The following PRLR variants were observed in gnomAD, a reference collection of about 807,000 sequenced individuals.
PRLR encodes the protein hPRL receptor.
Under a neutral mutation model 40.2 loss-of-function variants are expected in PRLR, and 13 were observed. That is an observed-to-expected ratio of 0.32 (90% CI 0.21 to 0.51). The LOEUF (loss-of-function observed/expected upper bound fraction) is 0.51. Among genes scored for constraint, PRLR ranks in the 20% least tolerant of loss-of-function variants. The probability of loss-of-function intolerance (pLI) is 0.97; values close to 1 mark genes in which losing one functional copy is unlikely to be tolerated. For missense variants in PRLR, 656 were observed against 747.3 expected (o/e 0.88, Z 1.42); for synonymous variants, 269 against 278.7 (o/e 0.97, Z 0.35).
rs869174221 is a variant in PRLR at position 35,191,048 on chromosome 5, C to CTTTTTTTTT, written c.-106+39211_-106+39219dup. On this transcript the variant is annotated intron_variant, in intron 1 of 9. Transcript: ENST00000618457. ...ATCCAATTAACAGATGTGTTATTTT[C>CTTTTTTTTT]TTTTTTTTTTTTTTTTTTTTTTTTT... Among the ~76,000 whole-genome samples the CTTTTTTTTT allele has an allele frequency of 1.8e-4, 12 of 68,162 alleles. 2 individuals carry two copies. Among genetic ancestry groups the CTTTTTTTTT allele is most frequent in the Non-Finnish European group, 2.2e-4 (8 of 36,052 alleles). The allele number at this position is 68,162 out of a possible 152,430, so 44.7% of individuals were successfully genotyped here. A position where few individuals can be genotyped will look rare whatever the true frequency, so the allele number is the denominator to read the frequency against.
chr5:35,118,398 A>G (rs1225889160), intron 1 of PRLR, among the ~76,000 whole-genome samples: 1 of 152,020 alleles, frequency 6.6e-6, no homozygotes, highest in Non-Finnish European at 1.5e-5. Flanking sequence ...CTGATTTATA[A>G]TCTTTCTTCT....
chr5:35,086,344 GA>G lies in PRLR; in HGVS notation c.71-5del. Reference sequence around the variant, plus strand: ...GGTTTTCCAGGAGGTAACTGTCCTAGAAAAAGCCAGAAGCCACTGCATCAAT... The same window carrying G: ...GGTTTTCCAGGAGGTAACTGTCCTAGAAAAGCCAGAAGCCACTGCATCAAT... On this transcript the variant is annotated splice_region_variant and splice_polypyrimidine_tract_variant and intron_variant, in intron 3 of 9. Transcript: ENST00000618457. The G allele has an allele frequency of 6.2e-7, 1 of 1,612,840 alleles. No homozygotes were observed.
intron 2 of PRLR, among the ~76,000 whole-genome samples, chr5:35,115,465 T>A (rs189200492): frequency 9.5e-4 from 145 of 151,950 alleles, no homozygotes; most frequent in Non-Finnish European, 1.3e-3. Flanking sequence ...AGGTAAGTGG[T>A]GGGGAAAAAT....
chr5:35,211,371 A>AGGACTCAC (rs1412278330), intron 1 of PRLR, among the ~76,000 whole-genome samples: 1 of 152,216 alleles, frequency 6.6e-6, no homozygotes, highest in African/African-American at 2.4e-5. Flanking sequence ...CTGCACTTCA[A>AGGACTCAC]GGACTCACAA....
chr5:35,178,112 C>A (rs965780360), intron 1 of PRLR, among the ~76,000 whole-genome samples: 32 of 152,074 alleles, frequency 2.1e-4, no homozygotes, highest in African/African-American at 7.2e-4. Context: ...ATTTCTATAT[C>A]ATTTTTTGAG....
rs754598108 is a variant in PRLR at position 35,062,820 on chromosome 5, T to C, written c.*2269A>G. The C allele has an allele frequency of 6.6e-6, 1 of 152,246 alleles. No homozygotes were observed. Among genetic ancestry groups the C allele is most frequent in the African/African-American group, 2.4e-5 (1 of 41,464 alleles). 9.4% of individuals were successfully genotyped at this position (152,246 alleles called of 1,614,324 possible). A position where few individuals can be genotyped will look rare whatever the true frequency, so the allele number is the denominator to read the frequency against. ...CAGGTCATTCTTTTATGTGAATTCA[T>C]ATAAGATTCAGCATAATGTGAATCT... On this transcript the variant is annotated 3_prime_UTR_variant, in exon 10 of 10. Transcript: ENST00000618457.
intron 2 of PRLR, among the ~76,000 whole-genome samples, chr5:35,114,059 T>C (rs1486632590): frequency 1.3e-5 from 2 of 152,168 alleles, no homozygotes; most frequent in Admixed American, 6.5e-5. Context: ...TTCTTGACAT[T>C]GAGGCCTAGC....
At position 35,065,494 on chromosome 5, in the gene PRLR, C is replaced by T. The variant is rs1769303912; in HGVS notation, c.1464G>A (p.Gln488=). The change falls in exon 10 of 10, where the codon CAG becomes CAA. Residue 488 remains glutamine, a synonymous_variant. Coordinates refer to ENST00000618457, the MANE Select transcript of PRLR (RefSeq NM_000949.7). ...EVESFHSETD[Q]DTPWLLPQEK... is the part of the protein sequence containing the mutation. Reference sequence around the variant, plus strand: ...CCTGGGGCAGCAGCCAGGGCGTATCCTGGTCAGTCTCAGAATGGAAGCTTT... The same window carrying T: ...CCTGGGGCAGCAGCCAGGGCGTATCTTGGTCAGTCTCAGAATGGAAGCTTT... 1 of 1,614,026 alleles carries T rather than the reference C, an allele frequency of 6.2e-7. No individual in the cohort carries two copies. Among genetic ancestry groups the T allele is most frequent in the South Asian group, 1.1e-5 (1 of 91,088 alleles).
At chr5:35,220,562 G>A (rs1411302362) in intron 1 of PRLR, among the ~76,000 whole-genome samples, 1 of 152,036 alleles carries the variant, frequency 6.6e-6, no homozygotes, top group African/African-American at 2.4e-5. Context: ...TTTATTGTTT[G>A]TTTTTAGTGT....
In PRLR at chr5:35,157,587, C is replaced by T. The variant is rs551097753; in HGVS notation, c.-105-39465G>A. 5.9e-5 allele frequency among the ~76,000 whole-genome samples: 9 copies of T among 152,230 alleles called. No homozygotes were observed. In the East Asian group the frequency reaches 1.4e-3, roughly 23 times the overall value. On this transcript the variant is annotated intron_variant, in intron 1 of 9. Transcript: ENST00000618457. ...ATGGCATGTCCACACTGGACAGGGC[C>T]GTGGGTCCTCATTCATTCAACACTT...
intron 1 of PRLR, among the ~76,000 whole-genome samples, chr5:35,207,288 A>G (rs919482788): frequency 1.3e-5 from 2 of 152,088 alleles, no homozygotes; most frequent in African/African-American, 4.8e-5. Flanking sequence ...ATGAACACTT[A>G]TAATTAATTA....
At position 35,086,643 on chromosome 5, in the gene PRLR, A is replaced by G. The variant is rs180905765; in HGVS notation, c.71-303T>C. ...GCCTAGTGACCAACTGCAAAATTTCAACAAAGAATGAGCCTTGAATGCAAG... is the reference window on the plus strand; with the variant it reads ...GCCTAGTGACCAACTGCAAAATTTCGACAAAGAATGAGCCTTGAATGCAAG... On this transcript the variant is annotated intron_variant, in intron 3 of 9. Coordinates refer to ENST00000618457, the MANE Select transcript of PRLR (RefSeq NM_000949.7). Among the ~76,000 whole-genome samples the G allele has an allele frequency of 1.6e-3, 236 of 152,142 alleles. 2 individuals are homozygous for G. The highest frequency in any genetic ancestry group is 5.2e-3 in the African/African-American group (216 of 41,494).
At chr5:35,205,746 A>T (rs1776000167) in intron 1 of PRLR, among the ~76,000 whole-genome samples, 2 of 152,200 alleles carry the variant, frequency 1.3e-5, no homozygotes, top group Non-Finnish European at 1.5e-5. Flanking sequence ...AGGCAATGGA[A>T]GAAAAGAAGA....
intron 1 of PRLR, among the ~76,000 whole-genome samples, chr5:35,222,063 G>A (rs989188016): frequency 6.6e-6 from 1 of 152,204 alleles, no homozygotes; most frequent in Non-Finnish European, 1.5e-5. Context: ...CCAGCACTTT[G>A]GGAGGCCAAG....
At chr5:35,149,320 A>G (rs1405715753) in intron 1 of PRLR, among the ~76,000 whole-genome samples, 3 of 152,172 alleles carry the variant, frequency 2.0e-5, no homozygotes, top group Non-Finnish European at 4.4e-5. Context: ...GTGGTACTCC[A>G]GATCTGAGGG....
rs368271549 is a variant in PRLR at position 35,186,943 on chromosome 5, C to T, written c.-106+43325G>A. On this transcript the variant is annotated intron_variant, in intron 1 of 9. Transcript: ENST00000618457. Reference sequence around the variant, plus strand: ...TGGTGCCAGCCTACACTAGAGCACCCGCGGTGGCATGTGGCTAGGATTATC... The same window carrying T: ...TGGTGCCAGCCTACACTAGAGCACCTGCGGTGGCATGTGGCTAGGATTATC... Among the ~76,000 whole-genome samples, 102 of 152,230 alleles carry T rather than the reference C, an allele frequency of 6.7e-4. 1 individual carries two copies. The South Asian group carries it at 0.019, about 28-fold the overall frequency.
At chr5:35,084,389 CAAG>C (rs1236781783) in intron 5 of PRLR, 78 bp downstream of exon 5, 1 of 1,364,730 alleles carries the variant, frequency 7.3e-7, no homozygotes, top group Non-Finnish European at 9.8e-7. Flanking sequence ...ATCCAAAACC[CAAG>C]AAGACTCAAA....
chr5:35,193,901 T>G (rs538438729), intron 1 of PRLR, among the ~76,000 whole-genome samples: 1 of 152,320 alleles, frequency 6.6e-6, no homozygotes, highest in South Asian at 2.1e-4. Flanking sequence ...AAGAATGCCT[T>G]TTTTTAAACT....
At chr5:35,090,726 T>C (rs1771142317) in intron 2 of PRLR, among the ~76,000 whole-genome samples, 1 of 149,250 alleles carries the variant, frequency 6.7e-6, no homozygotes, top group African/African-American at 2.4e-5. Flanking sequence ...TTGTGGGACG[T>C]ACTCAGACAT....
Sources: gnomAD v4.1 joint callset for allele counts (sites outside exome capture counted in the v4.1 genomes callset) on GRCh38, gnomAD v4.1.1 for gene constraint, MANE v1.5 for transcripts, NCBI Gene and HGNC (gene_info 2026-07-23, HGNC 2026-07-21) for gene names.